Variants in CFAP43 observed in about 807,000 individuals in gnomAD.
CFAP43 encodes cilia- and flagella-associated protein 43.
A neutral mutation model predicts 218.9 loss-of-function variants in CFAP43; 155 were observed. That is an observed-to-expected ratio of 0.71 (90% CI 0.62 to 0.81). The LOEUF (loss-of-function observed/expected upper bound fraction) is 0.81, where lower values mean the gene tolerates loss of function less well. Among genes scored for constraint, CFAP43 ranks in the 30% least tolerant of loss-of-function variants. The pLI is 0.00. For synonymous variants in CFAP43, 645 were observed against 681.3 expected, an observed-to-expected ratio of 0.95 and a Z score of 0.83; for missense variants, 1,778 against 1,954.3, an observed-to-expected ratio of 0.91 and a Z score of 1.70.
rs1027605732 is a variant in CFAP43, at chr10:104,144,233, A to T, written c.3945-594T>A. ...TATCAGTCTGACAGGTGTTGAAGTT[A>T]GGATTTAAAGTTGATTCTGTTTGAC... On this transcript the variant is annotated intron_variant, in intron 31 of 37. Transcript: ENST00000357060. 2.6e-5 allele frequency among the ~76,000 whole-genome samples: 4 copies of T among 152,236 alleles called. No homozygotes were observed. In the South Asian group the frequency reaches 8.3e-4, roughly 31 times the overall value.
intron 3 of CFAP43, among the ~76,000 whole-genome samples, chr10:104,217,084 G>C (rs1412366608): frequency 1.3e-5 from 2 of 152,160 alleles, no homozygotes; most frequent in African/African-American, 2.4e-5. Context: ...CCTCTCTCCT[G>C]AGCACCAGTC....
chr10:104,219,915 A>G (rs1369329817), intron 3 of CFAP43, among the ~76,000 whole-genome samples: 1 of 152,014 alleles, frequency 6.6e-6, no homozygotes. Flanking sequence ...TCCTTTAGGT[A>G]TTGCTATGGG....
At chr10:104,148,715 C>A (rs1320838945) in intron 28 of CFAP43, among the ~76,000 whole-genome samples, 1 of 152,204 alleles carries the variant, frequency 6.6e-6, no homozygotes, top group Non-Finnish European at 1.5e-5. Flanking sequence ...CGGCCTGAGG[C>A]CCACATCAGA....
chr10:104,188,461 TG>T (rs1434721455), intron 12 of CFAP43, 51 bp from the exon 13 acceptor site: 5 of 1,592,626 alleles, frequency 3.1e-6, no homozygotes, highest in Non-Finnish European at 4.3e-6. Context: ...TAAGTTTAAA[TG>T]ATCTTTTACC....
chr10:104,203,370 A>G, intron 8 of CFAP43: 1 of 359,496 alleles, frequency 2.8e-6, no homozygotes, highest in Non-Finnish European at 5.0e-6. Context: ...GAGAGTCTGC[A>G]TGGAAATGGA....
At chr10:104,149,285 T>C (rs1485410024) in intron 28 of CFAP43, among the ~76,000 whole-genome samples, 1 of 152,222 alleles carries the variant, frequency 6.6e-6, no homozygotes, top group Non-Finnish European at 1.5e-5. Context: ...CTTTCTGTGA[T>C]GTCAGCAGCT....
At chr10:104,170,833 T>C (rs2089378018) in intron 20 of CFAP43, among the ~76,000 whole-genome samples, 1 of 152,198 alleles carries the variant, frequency 6.6e-6, no homozygotes. Context: ...TTTACCGCAA[T>C]ATACAAGCTC....
chr10:104,214,459 T>G (rs1419426158), intron 3 of CFAP43, 33 bp from the exon 4 acceptor site: 5 of 1,509,168 alleles, frequency 3.3e-6, no homozygotes, highest in Non-Finnish European at 4.5e-6. Flanking sequence ...TGAAAAAAAG[T>G]TCATTTGAAT....
At chr10:104,191,177 C>T (rs1379444595) in intron 12 of CFAP43, among the ~76,000 whole-genome samples, 1 of 152,180 alleles carries the variant, frequency 6.6e-6, no homozygotes, top group Admixed American at 6.5e-5. Flanking sequence ...TCTCTAAAAA[C>T]GAAGTCAAAT....
intron 27 of CFAP43, among the ~76,000 whole-genome samples, chr10:104,155,745 G>A (rs1210060369): frequency 2.0e-5 from 3 of 152,084 alleles, no homozygotes; most frequent in South Asian, 2.1e-4. Flanking sequence ...GGGGAAGAGC[G>A]CTCCAGGCCA....
chr10:104,192,433 C>T, intron 11 of CFAP43, 131 bp from the exon 12 acceptor site: 1 of 693,246 alleles, frequency 1.4e-6, no homozygotes, highest in South Asian at 1.7e-5. Context: ...TTAATATTCT[C>T]TGACCTTATT....
At chr10:104,166,792 T>A in intron 22 of CFAP43, 74 bp from the exon 23 acceptor site, 2 of 1,271,724 alleles carry the variant, frequency 1.6e-6, no homozygotes, top group Non-Finnish European at 2.2e-6. Context: ...TGTGACAACT[T>A]AATTATTTCA....
At chr10:104,208,345 A>G (rs1484196801) in intron 5 of CFAP43, among the ~76,000 whole-genome samples, 1 of 152,244 alleles carries the variant, frequency 6.6e-6, no homozygotes, top group Non-Finnish European at 1.5e-5. Flanking sequence ...TCATTTGCAC[A>G]ATACCAGTGA....
chr10:104,202,259 A>C (rs1292656175), intron 8 of CFAP43, among the ~76,000 whole-genome samples: 1 of 152,238 alleles, frequency 6.6e-6, no homozygotes, highest in Admixed American at 6.5e-5. Flanking sequence ...CTATTAGTCT[A>C]ACTGAAATTC....
intron 3 of CFAP43, among the ~76,000 whole-genome samples, chr10:104,222,703 T>C (rs1188168467): frequency 6.6e-6 from 1 of 152,194 alleles, no homozygotes; most frequent in African/African-American, 2.4e-5. Flanking sequence ...GAGGAGATAC[T>C]ACCTACCCAT....
chr10:104,155,650 A>AG, intron 27 of CFAP43, among the ~76,000 whole-genome samples: 1 of 152,258 alleles, frequency 6.6e-6, no homozygotes, highest in East Asian at 1.9e-4. Context: ...GAGGAGAAGC[A>AG]GGAATCTCCA....
At chr10:104,186,610 T>C (rs1339626464) in intron 14 of CFAP43, among the ~76,000 whole-genome samples, 1 of 152,162 alleles carries the variant, frequency 6.6e-6, no homozygotes, top group Non-Finnish European at 1.5e-5. Context: ...GCAATATCTC[T>C]CCATGTCTAA....
Position 104,162,057 on chromosome 10 carries a change from A to T in CFAP43, c.3334-16T>A. 1.2e-6 allele frequency: 2 copies of T among 1,610,634 alleles called. No individual in the cohort carries two copies. The highest frequency in any genetic ancestry group is 1.7e-6 in the Non-Finnish European group (2 of 1,178,802). On this transcript the variant is annotated splice_polypyrimidine_tract_variant and intron_variant, in intron 25 of 37. Coordinates refer to ENST00000357060, the MANE Select transcript of CFAP43 (RefSeq NM_025145.7). Reference sequence around the variant, plus strand: ...TACTGGCATCCTGGGAAAGAGCCAGAATCAGAGAGGAATACTGAGACAGAG... The same window carrying T: ...TACTGGCATCCTGGGAAAGAGCCAGTATCAGAGAGGAATACTGAGACAGAG...
intron 27 of CFAP43, among the ~76,000 whole-genome samples, chr10:104,156,236 G>T (rs1377444778): frequency 1.3e-5 from 2 of 152,046 alleles, no homozygotes; most frequent in African/African-American, 4.8e-5. Flanking sequence ...ATTGCTTAAA[G>T]AAGTCAACTG....
Sources: allele counts gnomAD v4.1 joint callset (sites outside exome capture counted in the v4.1 genomes callset), GRCh38; gene constraint gnomAD v4.1.1; transcripts MANE v1.5; gene names NCBI Gene and HGNC (gene_info 2026-07-23, HGNC 2026-07-21).